The following ITPR1 variants were observed in gnomAD, a reference collection of about 807,000 sequenced individuals.
ITPR1 encodes inositol 1,4,5-trisphosphate-gated calcium channel ITPR1.
In ITPR1, 96 loss-of-function variants were observed where a neutral mutation model predicts 318.4. The observed-to-expected ratio is 0.30, with a 90% CI of 0.26 to 0.36. The LOEUF (loss-of-function observed/expected upper bound fraction) is 0.36. Among genes scored for constraint, ITPR1 ranks in the 10% least tolerant of loss-of-function variants. The pLI, the probability that ITPR1 is intolerant of heterozygous loss-of-function variation, is 1.00. For synonymous variants in ITPR1, 1,312 were observed against 1,289.9 expected, an observed-to-expected ratio of 1.02 and a Z score of -0.37; for missense variants, 2,440 against 3,460.2, an observed-to-expected ratio of 0.71 and a Z score of 7.40.
At chr3:4,633,081 G>T (rs564924762) in intron 5 of ITPR1, among the ~76,000 whole-genome samples, 1 of 151,980 alleles carries the variant, frequency 6.6e-6, no homozygotes, top group South Asian at 2.1e-4. Flanking sequence ...TGGGACTTCA[G>T]GGGTGCGTCA....
chr3:4,503,617 G>C (rs1053465315), intron 2 of ITPR1, among the ~76,000 whole-genome samples: 1 of 152,090 alleles, frequency 6.6e-6, no homozygotes, highest in African/African-American at 2.4e-5. Flanking sequence ...CTGGCAGGCA[G>C]GGGTGGGGTG....
intron 44 of ITPR1, among the ~76,000 whole-genome samples, chr3:4,740,735 G>A (rs2043639925): frequency 6.6e-6 from 1 of 152,030 alleles, no homozygotes; most frequent in African/African-American, 2.4e-5. Context: ...CTCCTACCTG[G>A]CTGCCATCAG....
intron 12 of ITPR1, among the ~76,000 whole-genome samples, chr3:4,656,612 G>A (rs150343562): frequency 4.1e-4 from 63 of 152,320 alleles, no homozygotes; most frequent in Admixed American, 1.8e-3. Flanking sequence ...GTTGGGGGCC[G>A]CAGCTGAACT....
chr3:4,525,275 A>G (rs1401841580), intron 4 of ITPR1, among the ~76,000 whole-genome samples: 1 of 152,246 alleles, frequency 6.6e-6, no homozygotes, highest in Non-Finnish European at 1.5e-5. Flanking sequence ...ATGCATAAAA[A>G]GCCTAATAGA....
rs539557872 is a variant in ITPR1, at chr3:4,843,473, A to T, written c.8191-2666A>T. ...TAGTCCCCAGACCGGCAACGTCTAC[A>T]TCATCTGGGAAATCGTTAGAAAAGC... is the stretch of plus-strand genomic sequence containing the variant. On this transcript the variant is annotated intron_variant, in intron 61 of 61. Transcript: ENST00000649015. 5.3e-5 allele frequency among the ~76,000 whole-genome samples: 8 copies of T among 152,342 alleles called. No individual in the cohort carries two copies. The South Asian group carries it at 1.7e-3, about 32-fold the overall frequency.
intron 33 of ITPR1, among the ~76,000 whole-genome samples, chr3:4,694,203 C>G (rs1472667888): frequency 1.3e-5 from 2 of 150,590 alleles, no homozygotes; most frequent in Admixed American, 6.6e-5. Context: ...TAATGAATAC[C>G]TAAGTTTTGA....
At chr3:4,675,384 A>G in intron 23 of ITPR1, 136 bp downstream of exon 23, 1 of 636,640 alleles carries the variant, frequency 1.6e-6, no homozygotes, top group Non-Finnish European at 2.6e-6. Flanking sequence ...GAACATTTTC[A>G]AATACTGTGT....
intron 5 of ITPR1, among the ~76,000 whole-genome samples, 195 bp from the exon 6 acceptor site, chr3:4,639,189 G>T (rs965021565): frequency 6.6e-6 from 1 of 152,098 alleles, no homozygotes; most frequent in Admixed American, 6.6e-5. Flanking sequence ...AGGCAAAAAG[G>T]CCAGCCAAGC....
intron 4 of ITPR1, among the ~76,000 whole-genome samples, chr3:4,571,062 G>C (rs540643545): frequency 6.6e-6 from 1 of 152,268 alleles, no homozygotes; most frequent in East Asian, 1.9e-4. Flanking sequence ...AGTGGCTCTA[G>C]AGAGCTAGCC....
intron 51 of ITPR1, among the ~76,000 whole-genome samples, chr3:4,787,160 A>G (rs2047246309): frequency 6.6e-6 from 1 of 152,080 alleles, no homozygotes; most frequent in African/African-American, 2.4e-5. Flanking sequence ...ATCATTACAG[A>G]AAGTTCTAGG....
chr3:4,789,327 G>C (rs1251645355), intron 52 of ITPR1, among the ~76,000 whole-genome samples: 1 of 152,174 alleles, frequency 6.6e-6, no homozygotes, highest in Non-Finnish European at 1.5e-5. Flanking sequence ...AATTCTACCT[G>C]GTATCAGAGT....
At chr3:4,608,390 T>C (rs985512151) in intron 4 of ITPR1, among the ~76,000 whole-genome samples, 2 of 152,114 alleles carry the variant, frequency 1.3e-5, no homozygotes, top group African/African-American at 2.4e-5. Context: ...GAAGCTTCTT[T>C]TGAGACACGA....
intron 42 of ITPR1, among the ~76,000 whole-genome samples, chr3:4,728,331 G>A (rs2042669112): frequency 6.6e-6 from 1 of 152,244 alleles, no homozygotes; most frequent in Non-Finnish European, 1.5e-5. Flanking sequence ...CATTTCACAA[G>A]TAGGACCTTG....
At chr3:4,547,463 T>C (rs536897869) in intron 4 of ITPR1, among the ~76,000 whole-genome samples, 1 of 152,306 alleles carries the variant, frequency 6.6e-6, no homozygotes, top group East Asian at 1.9e-4. Flanking sequence ...CTAGATGACA[T>C]GGATTTGTCC....
At chr3:4,707,637 T>A (rs577401841) in intron 37 of ITPR1, among the ~76,000 whole-genome samples, 1 of 152,300 alleles carries the variant, frequency 6.6e-6, no homozygotes, top group East Asian at 1.9e-4. Context: ...GATGTCAGTG[T>A]CACATTGTAA....
At chr3:4,609,650 A>G (rs1242514246) in intron 4 of ITPR1, among the ~76,000 whole-genome samples, 3 of 152,052 alleles carry the variant, frequency 2.0e-5, no homozygotes, top group African/African-American at 7.2e-5. Context: ...CAACGTATTC[A>G]ATGGAGAACA....
intron 40 of ITPR1, among the ~76,000 whole-genome samples, chr3:4,722,026 T>C (rs954058968): frequency 4.6e-5 from 7 of 152,208 alleles, no homozygotes; most frequent in Non-Finnish European, 8.8e-5. Flanking sequence ...TAGATCAGTG[T>C]CGCATATGCA....
chr3:4,754,886 G>C (rs1426154019), intron 44 of ITPR1, among the ~76,000 whole-genome samples: 1 of 152,192 alleles, frequency 6.6e-6, no homozygotes, highest in Non-Finnish European at 1.5e-5. Flanking sequence ...TCTTTGTTTT[G>C]TCTGGAGGCT....
chr3:4,506,636 A>G (rs1414646674), intron 2 of ITPR1, among the ~76,000 whole-genome samples: 1 of 152,184 alleles, frequency 6.6e-6, no homozygotes, highest in Non-Finnish European at 1.5e-5. Flanking sequence ...TTTGATCTGT[A>G]TCCCCAGTAC....
Sources: allele counts gnomAD v4.1 joint callset (sites outside exome capture counted in the v4.1 genomes callset), GRCh38; gene constraint gnomAD v4.1.1; transcripts MANE v1.5; gene names NCBI Gene and HGNC (gene_info 2026-07-23, HGNC 2026-07-21).